The following FRK variants were observed in gnomAD, a reference collection of about 807,000 sequenced individuals.
FRK encodes the protein tyrosine-protein kinase FRK.
Under a neutral mutation model 56.4 loss-of-function variants are expected in FRK, and 51 were observed. The observed-to-expected ratio is 0.90, with a 90% CI of 0.72 to 1.14. FRK has a LOEUF of 1.14. FRK is among the 50% of genes most tolerant of loss of function. The probability of loss-of-function intolerance (pLI) is 0.00; values close to 1 mark genes in which losing one functional copy is unlikely to be tolerated. For missense variants in FRK, 570 were observed against 601.4 expected (o/e 0.95, Z 0.55); for synonymous variants, 245 against 217.9 (o/e 1.12, Z -1.10).
chr6:116,051,383 T>C (rs954062014), intron 1 of FRK, among the ~76,000 whole-genome samples: 4 of 152,102 alleles, frequency 2.6e-5, no homozygotes, highest in Non-Finnish European at 4.4e-5. Flanking sequence ...ATCGACTCAA[T>C]TGGTAAATAG....
chr6:115,951,576 C>A (rs764374380), intron 5 of FRK, among the ~76,000 whole-genome samples: 32 of 152,056 alleles, frequency 2.1e-4, no homozygotes, highest in Admixed American at 1.0e-3. Context: ...AGTTTTTTTA[C>A]AGATCTTTCT....
intron 1 of FRK, among the ~76,000 whole-genome samples, chr6:116,012,242 C>T (rs1775500571): frequency 6.6e-6 from 1 of 152,196 alleles, no homozygotes; most frequent in Admixed American, 6.5e-5. Flanking sequence ...CCCACATACA[C>T]ATAAATAAGG....
At chr6:116,068,210 T>C in the FRK span, among the ~76,000 whole-genome samples, 1 of 152,300 alleles carries the variant, frequency 6.6e-6, no homozygotes, top group South Asian at 2.1e-4. Flanking sequence ...ATGATGATGA[T>C]GAAAAGATGG....
chr6:115,985,636 G>A (rs1457599355), intron 2 of FRK, among the ~76,000 whole-genome samples: 1 of 151,948 alleles, frequency 6.6e-6, no homozygotes, highest in Non-Finnish European at 1.5e-5. Context: ...ACTGTAAATT[G>A]GTGGTAATAA....
chr6:116,026,109 G>A (rs900381618), intron 1 of FRK, among the ~76,000 whole-genome samples: 4 of 152,102 alleles, frequency 2.6e-5, no homozygotes, highest in African/African-American at 9.7e-5. Context: ...TAACTCTAGA[G>A]TAATCTACCA....
intron 2 of FRK, among the ~76,000 whole-genome samples, chr6:115,976,189 A>G (rs1773985210): frequency 6.6e-6 from 1 of 152,108 alleles, no homozygotes; most frequent in Admixed American, 6.6e-5. Context: ...AAACTTCAGT[A>G]ATTTTCACCT....
chr6:116,035,237 G>C (rs1050148270), intron 1 of FRK, among the ~76,000 whole-genome samples: 2 of 151,922 alleles, frequency 1.3e-5, no homozygotes, highest in African/African-American at 4.8e-5. Context: ...TTTGTTTGCT[G>C]CTGCTTGGCC....
At chr6:115,991,717 A>G (rs1774614526) in intron 2 of FRK, among the ~76,000 whole-genome samples, 1 of 151,796 alleles carries the variant, frequency 6.6e-6, no homozygotes, top group Admixed American at 6.6e-5. Context: ...CATCAGGGAT[A>G]TTAGCCTACA....
chr6:115,995,539 G>A (rs913646169), intron 2 of FRK, among the ~76,000 whole-genome samples: 8 of 151,358 alleles, frequency 5.3e-5, no homozygotes, highest in Non-Finnish European at 1.0e-4. Context: ...AACAAACCAA[G>A]GTAAGCAAAA....
chr6:115,939,036 AG>A lies in FRK; in HGVS notation c.*3377del. On this transcript the variant is annotated 3_prime_UTR_variant, in exon 8 of 8. Coordinates refer to ENST00000606080, the MANE Select transcript of FRK (RefSeq NM_002031.3). ...AGAGACACAACAAAAAAAAAAAAAG[AG>A]AGAAAATTTCAGGCCAGTATCCCTG... 6.6e-6 allele frequency: 1 copy of A among 151,564 alleles called. No homozygotes were observed. The highest frequency in any genetic ancestry group is 2.4e-5 in the African/African-American group (1 of 41,378). 9.4% of individuals were successfully genotyped at this position (151,564 alleles called of 1,614,324 possible).
intron 1 of FRK, among the ~76,000 whole-genome samples, chr6:116,024,150 A>C (rs1409694056): frequency 1.3e-5 from 2 of 151,608 alleles, no homozygotes; most frequent in East Asian, 1.9e-4. Context: ...CTTCCTTACC[A>C]TCAAGGAGGG....
At chr6:116,088,414 A>G in the FRK span, among the ~76,000 whole-genome samples, 1 of 152,256 alleles carries the variant, frequency 6.6e-6, no homozygotes, top group African/African-American at 2.4e-5. Flanking sequence ...GAAGAAGAGA[A>G]AGCCTGACCT....
intron 1 of FRK, among the ~76,000 whole-genome samples, chr6:116,051,706 T>C (rs987620491): frequency 6.6e-6 from 1 of 152,094 alleles, no homozygotes; most frequent in Non-Finnish European, 1.5e-5. Flanking sequence ...ACTGGCTCAA[T>C]CCTTTCAATG....
intron 1 of FRK, among the ~76,000 whole-genome samples, chr6:116,006,623 TAAAC>T (rs1221696247): frequency 1.3e-5 from 2 of 152,130 alleles, no homozygotes; most frequent in African/African-American, 4.8e-5. Flanking sequence ...GGAGAAAAGA[TAAAC>T]AAACAGTTGT....
intron 2 of FRK, among the ~76,000 whole-genome samples, chr6:115,969,141 C>G (rs931479191): frequency 4.6e-5 from 7 of 152,140 alleles, no homozygotes; most frequent in Non-Finnish European, 7.4e-5. Context: ...TTGACTCTTC[C>G]TGGTGCAGAG....
At position 116,003,865 on chromosome 6, in the gene FRK, C is replaced by CAAT; in HGVS notation, c.466+9_466+11dup. Reference sequence around the variant, plus strand: ...CAAGCTCATATTGAATGACACAAAACAATACCCTTACCTGAAAGAGAGAAT... The same window carrying CAAT: ...CAAGCTCATATTGAATGACACAAAACAATAATACCCTTACCTGAAAGAGAGAAT... On this transcript the variant is annotated intron_variant, in intron 2 of 7. Transcript: ENST00000606080. 4 of 1,613,178 alleles carry CAAT rather than the reference C, an allele frequency of 2.5e-6. No individual in the cohort carries two copies. Among genetic ancestry groups the CAAT allele is most frequent in the Non-Finnish European group, 3.4e-6 (4 of 1,179,736 alleles).
chr6:116,037,951 T>A (rs1776551211), intron 1 of FRK, among the ~76,000 whole-genome samples: 1 of 152,190 alleles, frequency 6.6e-6, no homozygotes, highest in Non-Finnish European at 1.5e-5. Context: ...ACAGAATGAA[T>A]CCTACACATG....
intron 1 of FRK, among the ~76,000 whole-genome samples, chr6:116,042,828 A>G (rs1236417372): frequency 6.6e-6 from 1 of 152,210 alleles, no homozygotes; most frequent in East Asian, 1.9e-4. Flanking sequence ...GATGTGCTGT[A>G]TTCAGGAGAT....
intron 2 of FRK, among the ~76,000 whole-genome samples, chr6:115,971,016 G>C (rs1397044227): frequency 6.6e-6 from 1 of 152,110 alleles, no homozygotes; most frequent in Non-Finnish European, 1.5e-5. Flanking sequence ...TCTTAACTTG[G>C]TGCTGGTTAC....
Sources: allele counts gnomAD v4.1 joint callset (sites outside exome capture counted in the v4.1 genomes callset), GRCh38; gene constraint gnomAD v4.1.1; transcripts MANE v1.5; gene names NCBI Gene and HGNC (gene_info 2026-07-23, HGNC 2026-07-21).